The following CACNA1A variants were observed in gnomAD, a reference collection of about 807,000 sequenced individuals.
CACNA1A encodes the protein voltage-dependent P/Q-type calcium channel subunit alpha-1A.
A neutral mutation model predicts 262.4 loss-of-function variants in CACNA1A; 57 were observed. That is an observed-to-expected ratio of 0.22 (90% CI 0.18 to 0.27). CACNA1A has a LOEUF of 0.27. CACNA1A is among the 10% of genes least tolerant of loss of function. The probability of loss-of-function intolerance (pLI) is 1.00; values close to 1 mark genes in which losing one functional copy is unlikely to be tolerated. For synonymous variants in CACNA1A, 1,431 were observed against 1,419.3 expected, an observed-to-expected ratio of 1.01 and a Z score of -0.18; for missense variants, 2,526 against 3,562.8, an observed-to-expected ratio of 0.71 and a Z score of 7.41.
At chr19:13,291,633 T>TA (rs3981952) in intron 19 of CACNA1A, among the ~76,000 whole-genome samples, 29,718 of 97,104 alleles carry the variant, frequency 0.31, 4,351 homozygotes, top group East Asian at 0.51. Context: ...ACCCCATCTC[T>TA]AAAAAAAAAA....
chr19:13,332,286 A>G (rs1275077447), intron 9 of CACNA1A, among the ~76,000 whole-genome samples: 1 of 152,158 alleles, frequency 6.6e-6, no homozygotes, highest in Non-Finnish European at 1.5e-5. Flanking sequence ...TTGTAATCTC[A>G]GCTTCTCATG....
intron 3 of CACNA1A, among the ~76,000 whole-genome samples, chr19:13,382,345 A>G (rs2059537787): frequency 6.6e-6 from 1 of 152,180 alleles, no homozygotes; most frequent in South Asian, 2.1e-4. Flanking sequence ...TAACTTGTTC[A>G]AGCCTCGGAA....
intron 3 of CACNA1A, among the ~76,000 whole-genome samples, chr19:13,432,519 C>G (rs1480317832): frequency 6.6e-6 from 1 of 151,738 alleles, no homozygotes; most frequent in African/African-American, 2.4e-5. Flanking sequence ...TTACCAGGGG[C>G]TGGTGGTGGA....
At chr19:13,441,665 AGG>A (rs1568648649) in intron 3 of CACNA1A, among the ~76,000 whole-genome samples, 1 of 124,504 alleles carries the variant, frequency 8.0e-6, no homozygotes, top group Non-Finnish European at 1.6e-5. Context: ...CCCTGTCTCG[AGG>A]AAAAAAAAAA....
At chr19:13,488,998 C>CTTTTTTTTTTT (rs1980403401) in intron 1 of CACNA1A, among the ~76,000 whole-genome samples, 1 of 102,708 alleles carries the variant, frequency 9.7e-6, no homozygotes, top group African/African-American at 4.9e-5. Flanking sequence ...AATTTCTTTT[C>CTTTTTTTTTTT]TTTTCTTTTT....
intron 1 of CACNA1A, among the ~76,000 whole-genome samples, chr19:13,505,620 C>T (rs1982929447): frequency 6.6e-6 from 1 of 152,084 alleles, no homozygotes; most frequent in Non-Finnish European, 1.5e-5. Context: ...CTCGAAAGCC[C>T]CCACCAAGGC....
intron 3 of CACNA1A, among the ~76,000 whole-genome samples, chr19:13,438,382 G>A (rs1381251036): frequency 6.6e-6 from 1 of 152,236 alleles, no homozygotes; most frequent in Non-Finnish European, 1.5e-5. Context: ...CCTGGGACTA[G>A]CCCTTAAGAA....
At chr19:13,235,977 C>A in intron 31 of CACNA1A, 1 of 401,446 alleles carries the variant, frequency 2.5e-6, no homozygotes, top group South Asian at 8.8e-5. Context: ...TAAGCCCTCC[C>A]TGCCAGCCCC....
At chr19:13,394,828 T>A (rs954928446) in intron 3 of CACNA1A, among the ~76,000 whole-genome samples, 4 of 152,066 alleles carry the variant, frequency 2.6e-5, no homozygotes, top group Admixed American at 1.3e-4. Context: ...AGTCCCATTC[T>A]CCCCTGGGGC....
At position 13,206,581 on chromosome 19, in the gene CACNA1A, T is replaced by C. The variant is rs539954198; in HGVS notation, c.*732A>G. ...AATCGGTGGTGATGGTGGGTTTTTC[T>C]TCTTCTTTTGTTGTTTCAAGCAGGA... On this transcript the variant is annotated 3_prime_UTR_variant, in exon 47 of 47. Transcript: ENST00000360228. The C allele has an allele frequency of 6.5e-6, 1 of 154,144 alleles. No homozygotes were observed. The highest frequency in any genetic ancestry group is 1.9e-4 in the East Asian group (1 of 5,176). The allele number at this position is 154,144 out of a possible 1,614,324, so 9.5% of individuals were successfully genotyped here.
intron 3 of CACNA1A, among the ~76,000 whole-genome samples, chr19:13,384,377 G>T (rs1318645764): frequency 1.3e-5 from 2 of 152,164 alleles, no homozygotes; most frequent in Admixed American, 1.3e-4. Context: ...CTGGTGTGGA[G>T]AATGGCATAC....
chr19:13,220,818 GTC>G (rs1016513499), intron 38 of CACNA1A, among the ~76,000 whole-genome samples: 2 of 152,086 alleles, frequency 1.3e-5, no homozygotes, highest in Non-Finnish European at 2.9e-5. Flanking sequence ...TAGAGATGGG[GTC>G]TCTCTGTGTT....
intron 6 of CACNA1A, among the ~76,000 whole-genome samples, chr19:13,348,313 AACTC>A (rs2058831173): frequency 6.6e-6 from 1 of 152,256 alleles, no homozygotes; most frequent in East Asian, 1.9e-4. Context: ...GAAGAAGAGA[AACTC>A]ACAGAGAAAA....
rs1057523197 is a variant in CACNA1A, at chr19:13,208,767, C to T, written c.6769G>A (p.Ala2257Thr). 7 of 1,576,732 alleles carry T rather than the reference C, an allele frequency of 4.4e-6. No homozygotes were observed. Among genetic ancestry groups the T allele is most frequent in the East Asian group, 4.5e-5 (2 of 43,964 alleles). ...GCAGCCGCACCCACCTGCCGGTGCG[C>T]CATGTGCTCTCGGCCCTCGCTGGGC... ...RSPSEGREHMAHRQGSSSVSG... is the reference protein window; with the variant it reads ...RSPSEGREHMTHRQGSSSVSG... The change falls in exon 46 of 47, where the codon GCG (alanine) becomes ACG (threonine). Residue 2257 changes from alanine (A) to threonine (T), a missense_variant. Physicochemically the swap from Ala to Thr is moderately conservative, Grantham distance 58. Transcript: ENST00000360228.
chr19:13,392,051 A>G (rs531511194), intron 3 of CACNA1A, among the ~76,000 whole-genome samples: 1 of 151,386 alleles, frequency 6.6e-6, no homozygotes, highest in African/African-American at 2.4e-5. Context: ...AAAAAAAGAA[A>G]AAAAAGAAAA....
Position 13,276,697 on chromosome 19 carries a change from C to CTTTT in CACNA1A, c.3882+368_3882+371dup, listed in dbSNP as rs33970596. On this transcript the variant is annotated intron_variant, in intron 23 of 46. Transcript: ENST00000360228. The stretch of plus-strand genomic sequence containing the variant: ...CTCAGGATCTCCTGGAATCCCAGCT[C>CTTTT]TTTTTTTTTTTTTTTTTTTTGACAG... Among the ~76,000 whole-genome samples the CTTTT allele has an allele frequency of 2.9e-4, 37 of 125,436 alleles. 2 individuals carry two copies. Among genetic ancestry groups the CTTTT allele is most frequent in the Middle Eastern group, 4.8e-3 (1 of 210 alleles). The allele number at this position is 125,436 out of a possible 152,430, so 82.3% of individuals were successfully genotyped here.
At chr19:13,455,280 C>A in intron 1 of CACNA1A, 68 bp from the exon 2 acceptor site, 1 of 891,236 alleles carries the variant, frequency 1.1e-6, no homozygotes, top group Non-Finnish European at 1.9e-6. Context: ...CCCACCCCCA[C>A]TGACCCCAGT....
intron 3 of CACNA1A, among the ~76,000 whole-genome samples, chr19:13,409,588 C>T (rs1437862201): frequency 6.6e-6 from 1 of 152,164 alleles, no homozygotes; most frequent in African/African-American, 2.4e-5. Flanking sequence ...TTCTATCACC[C>T]AGGCTGGAGT....
At chr19:13,372,318 C>T (rs116756870) in intron 3 of CACNA1A, among the ~76,000 whole-genome samples, 3,098 of 152,052 alleles carry the variant, frequency 0.02, 55 homozygotes, top group South Asian at 0.093. Flanking sequence ...ACTACGCACC[C>T]GCCATCATGC....
Sources: gnomAD v4.1 joint callset for allele counts (sites outside exome capture counted in the v4.1 genomes callset) on GRCh38, gnomAD v4.1.1 for gene constraint, MANE v1.5 for transcripts, NCBI Gene and HGNC (gene_info 2026-07-23, HGNC 2026-07-21) for gene names.